Variants in RABGAP1L observed in about 807,000 individuals in gnomAD.
RABGAP1L encodes RAB GTPase activating protein 1 like.
RABGAP1L carries 63 observed loss-of-function variants against 137.7 expected under a neutral mutation model. The observed-to-expected ratio is 0.46, with a 90% CI of 0.37 to 0.56. The LOEUF is 0.56. RABGAP1L is among the 20% of genes least tolerant of loss of function. RABGAP1L has a pLI of 0.00. For missense variants in RABGAP1L, 1,095 were observed against 1,244.0 expected (o/e 0.88, Z 1.80); for synonymous variants, 431 against 433.7 (o/e 0.99, Z 0.08).
intron 13 of RABGAP1L, among the ~76,000 whole-genome samples, chr1:174,456,462 T>A (rs1656051340): frequency 2.0e-5 from 3 of 152,104 alleles, no homozygotes; most frequent in Non-Finnish European, 4.4e-5. Flanking sequence ...GTAATAGATT[T>A]GCAATGTTGT....
At chr1:174,768,776 A>G (rs1455341324) in intron 18 of RABGAP1L, among the ~76,000 whole-genome samples, 6 of 152,134 alleles carry the variant, frequency 3.9e-5, no homozygotes, top group Admixed American at 2.6e-4. Flanking sequence ...TTTTTAATAA[A>G]TTCTCACTCC....
At chr1:174,557,353 A>G (rs936830827) in intron 13 of RABGAP1L, among the ~76,000 whole-genome samples, 8 of 152,190 alleles carry the variant, frequency 5.3e-5, no homozygotes, top group Non-Finnish European at 1.0e-4. Context: ...TCCGATGGCC[A>G]TGTGTATCTC....
chr1:174,901,373 C>T (rs1658113431), intron 19 of RABGAP1L, among the ~76,000 whole-genome samples: 1 of 152,202 alleles, frequency 6.6e-6, no homozygotes, highest in Non-Finnish European at 1.5e-5. Context: ...GAAGGGGAAG[C>T]AGACACGTTC....
chr1:174,370,738 A>G (rs1685050272), intron 11 of RABGAP1L, among the ~76,000 whole-genome samples: 1 of 150,954 alleles, frequency 6.6e-6, no homozygotes, highest in Non-Finnish European at 1.5e-5. Context: ...CTATTTATTT[A>G]TATTTTCAAT....
chr1:174,831,640 C>A (rs892363092), intron 19 of RABGAP1L, among the ~76,000 whole-genome samples: 1 of 148,226 alleles, frequency 6.7e-6, no homozygotes, highest in African/African-American at 2.5e-5. Flanking sequence ...ACAGATATAA[C>A]CTTAGATTCT....
At chr1:174,953,035 C>CAAAAAAAAAAAAA (rs34788853) in intron 19 of RABGAP1L, among the ~76,000 whole-genome samples, 1 of 97,362 alleles carries the variant, frequency 1.0e-5, no homozygotes. Context: ...GGGTGGCATG[C>CAAAAAAAAAAAAA]AAAAAAAAAA....
At position 174,288,954 on chromosome 1, in the gene RABGAP1L, A is replaced by G. The variant is rs141510595; in HGVS notation, c.1323+10175A>G. On this transcript the variant is annotated intron_variant, in intron 10 of 25. Transcript: ENST00000681986. ...AAGTGACTCATCTTTGAGTTCACTG[A>G]TTTTTTATTCTTCTGCTTGGCCAAG... 1.5e-3 allele frequency among the ~76,000 whole-genome samples: 226 copies of G among 152,056 alleles called. 1 individual carries two copies. The highest frequency in any genetic ancestry group is 5.3e-3 in the African/African-American group (218 of 41,470).
chr1:174,554,820 T>C (rs1295027451), intron 13 of RABGAP1L, among the ~76,000 whole-genome samples: 2 of 152,162 alleles, frequency 1.3e-5, no homozygotes, highest in Non-Finnish European at 2.9e-5. Flanking sequence ...CATTTTTAAA[T>C]TTAGTTGGTG....
At chr1:174,678,030 G>T (rs1429941190) in intron 14 of RABGAP1L, among the ~76,000 whole-genome samples, 2 of 151,936 alleles carry the variant, frequency 1.3e-5, no homozygotes, top group Non-Finnish European at 1.5e-5. Flanking sequence ...AAGGAAAAGA[G>T]AAAATATAAG....
At chr1:174,307,202 T>C (rs1678362282) in intron 11 of RABGAP1L, among the ~76,000 whole-genome samples, 1 of 152,216 alleles carries the variant, frequency 6.6e-6, no homozygotes, top group South Asian at 2.1e-4. Flanking sequence ...GTCCAGGCTA[T>C]CTGACTTTAA....
At chr1:174,614,046 A>G (rs1002467482) in intron 13 of RABGAP1L, among the ~76,000 whole-genome samples, 2 of 152,152 alleles carry the variant, frequency 1.3e-5, no homozygotes, top group African/African-American at 2.4e-5. Context: ...TGGAGCATTT[A>G]TTCCATTTAC....
chr1:174,264,910 A>G (rs1673921531), intron 7 of RABGAP1L, among the ~76,000 whole-genome samples: 1 of 152,102 alleles, frequency 6.6e-6, no homozygotes, highest in South Asian at 2.1e-4. Context: ...TAGTTTTCTT[A>G]TTTTATCAAA....
intron 17 of RABGAP1L, among the ~76,000 whole-genome samples, chr1:174,746,829 T>A (rs1683906376): frequency 6.6e-6 from 1 of 152,220 alleles, no homozygotes; most frequent in Admixed American, 6.5e-5. Context: ...GGTTGTGGGA[T>A]GAAATAGGGA....
intron 17 of RABGAP1L, among the ~76,000 whole-genome samples, chr1:174,737,501 C>CT (rs1683055292): frequency 1.3e-5 from 2 of 152,290 alleles, no homozygotes; most frequent in South Asian, 2.1e-4. Flanking sequence ...TAACAAGTCT[C>CT]TAAGAAGTTC....
chr1:174,641,612 T>C (rs1674535134), intron 14 of RABGAP1L, among the ~76,000 whole-genome samples: 1 of 152,248 alleles, frequency 6.6e-6, no homozygotes, highest in Admixed American at 6.5e-5. Context: ...CCCAAATATA[T>C]TTTGCATTTT....
chr1:174,220,869 T>C (rs1669704138), intron 2 of RABGAP1L, 103 bp from the exon 3 acceptor site: 1 of 1,011,318 alleles, frequency 9.9e-7, no homozygotes, highest in Admixed American at 3.2e-5. Flanking sequence ...TATATTTAAA[T>C]ATTTAGATTG....
At chr1:174,881,991 A>G (rs1573644511) in intron 19 of RABGAP1L, among the ~76,000 whole-genome samples, 2 of 152,076 alleles carry the variant, frequency 1.3e-5, no homozygotes, top group South Asian at 4.2e-4. Context: ...CCTCCTGAGT[A>G]TCTGGGATTA....
intron 14 of RABGAP1L, among the ~76,000 whole-genome samples, chr1:174,665,690 C>A (rs1676739628): frequency 6.6e-6 from 1 of 152,196 alleles, no homozygotes; most frequent in African/African-American, 2.4e-5. Flanking sequence ...GTCTTGAACT[C>A]CTGACCTCAG....
At chr1:174,617,992 T>A (rs965092215) in intron 13 of RABGAP1L, among the ~76,000 whole-genome samples, 1 of 152,238 alleles carries the variant, frequency 6.6e-6, no homozygotes, top group Non-Finnish European at 1.5e-5. Flanking sequence ...ACCTTTAGAT[T>A]ATAGCCCGCG....
Sources: gnomAD v4.1 joint callset for allele counts (sites outside exome capture counted in the v4.1 genomes callset) on GRCh38, gnomAD v4.1.1 for gene constraint, MANE v1.5 for transcripts, NCBI Gene and HGNC (gene_info 2026-07-23, HGNC 2026-07-21) for gene names.